Variants in ARB2A observed in about 807,000 individuals in gnomAD.
ARB2A encodes the protein cotranscriptional regulator ARB2A.
the ARB2A span, among the ~76,000 whole-genome samples, chr5:93,855,830 A>G: frequency 2.0e-5 from 3 of 152,122 alleles, no homozygotes; most frequent in African/African-American, 7.2e-5. Context: ...ACCATCATCA[A>G]AGACCAAAAG....
At chr5:94,067,727 A>C in the ARB2A span, among the ~76,000 whole-genome samples, 1 of 152,344 alleles carries the variant, frequency 6.6e-6, no homozygotes, top group African/African-American at 2.4e-5. Context: ...GGAATAATTC[A>C]ATGACCATAC....
chr5:93,846,453 G>A, the ARB2A span, among the ~76,000 whole-genome samples: 3 of 151,516 alleles, frequency 2.0e-5, no homozygotes, highest in Admixed American at 1.3e-4. Flanking sequence ...AGAGAGCTAT[G>A]ATTGTGTCAC....
At chr5:94,079,373 A>G in the ARB2A span, among the ~76,000 whole-genome samples, 1 of 152,184 alleles carries the variant, frequency 6.6e-6, no homozygotes. Context: ...TTATCTGATT[A>G]GGTCATTGCC....
At chr5:94,011,955 AAAAG>A in the ARB2A span, among the ~76,000 whole-genome samples, 1 of 150,588 alleles carries the variant, frequency 6.6e-6, no homozygotes, top group East Asian at 1.9e-4. Flanking sequence ...AAAAAAAAAA[AAAAG>A]ACGAGGCAAA....
chr5:94,027,850 G>A, the ARB2A span, among the ~76,000 whole-genome samples: 8 of 152,190 alleles, frequency 5.3e-5, no homozygotes, highest in African/African-American at 1.9e-4. Context: ...GCCTGGACTT[G>A]AGACTAGTGG....
the ARB2A span, among the ~76,000 whole-genome samples, chr5:93,934,661 A>G: frequency 6.6e-6 from 1 of 152,298 alleles, no homozygotes; most frequent in South Asian, 2.1e-4. Flanking sequence ...ACAAGTAAAG[A>G]CAGCCCCTCT....
At chr5:93,700,172 A>T in the ARB2A span, among the ~76,000 whole-genome samples, 1 of 152,150 alleles carries the variant, frequency 6.6e-6, no homozygotes, top group African/African-American at 2.4e-5. Context: ...TCTTAGCAGA[A>T]AGCCATTGAA....
At chr5:93,829,656 T>C in the ARB2A span, among the ~76,000 whole-genome samples, 1 of 152,170 alleles carries the variant, frequency 6.6e-6, no homozygotes, top group Non-Finnish European at 1.5e-5. Flanking sequence ...TACAACCTTG[T>C]AGTCATATAT....
At chr5:93,810,859 G>C in the ARB2A span, among the ~76,000 whole-genome samples, 1 of 152,032 alleles carries the variant, frequency 6.6e-6, no homozygotes, top group African/African-American at 2.4e-5. Flanking sequence ...CTAGTTGTGT[G>C]ATCTTAGGTA....
chr5:93,943,827 T>C, the ARB2A span, among the ~76,000 whole-genome samples: 2 of 152,262 alleles, frequency 1.3e-5, no homozygotes, highest in East Asian at 1.9e-4. Flanking sequence ...TAATCCTGTA[T>C]TCAATCAGCT....
At chr5:93,701,356 A>T in the ARB2A span, among the ~76,000 whole-genome samples, 1 of 152,144 alleles carries the variant, frequency 6.6e-6, no homozygotes, top group Non-Finnish European at 1.5e-5. Context: ...GTTTTGATAA[A>T]ATGTGATTCT....
At chr5:93,761,514 C>A in the ARB2A span, among the ~76,000 whole-genome samples, 1 of 152,154 alleles carries the variant, frequency 6.6e-6, no homozygotes, top group African/African-American at 2.4e-5. Context: ...GGGGGAAGGG[C>A]GCCCACCATT....
At chr5:93,884,230 C>T in the ARB2A span, among the ~76,000 whole-genome samples, 1 of 151,446 alleles carries the variant, frequency 6.6e-6, no homozygotes, top group African/African-American at 2.4e-5. Context: ...TATCTTATTA[C>T]TTAATCAAAA....
the ARB2A span, among the ~76,000 whole-genome samples, chr5:93,645,377 T>C: frequency 6.6e-6 from 1 of 152,068 alleles, no homozygotes; most frequent in Non-Finnish European, 1.5e-5. Context: ...ATAAAGACCA[T>C]CCTGGCCAAT....
At chr5:94,022,149 G>A in the ARB2A span, among the ~76,000 whole-genome samples, 4 of 152,098 alleles carry the variant, frequency 2.6e-5, no homozygotes, top group Non-Finnish European at 2.9e-5. Context: ...AGCCAAGATC[G>A]TGCCACTGCA....
chr5:94,036,535 G>C, the ARB2A span, among the ~76,000 whole-genome samples: 1 of 152,094 alleles, frequency 6.6e-6, no homozygotes, highest in Non-Finnish European at 1.5e-5. Flanking sequence ...TTTCTCTATA[G>C]CCTCATCTAC....
the ARB2A span, among the ~76,000 whole-genome samples, chr5:93,709,452 G>A: frequency 2.6e-5 from 4 of 151,668 alleles, no homozygotes; most frequent in African/African-American, 9.7e-5. Context: ...GGCCAACATG[G>A]TGAAACCCCA....
the ARB2A span, among the ~76,000 whole-genome samples, chr5:93,899,373 C>A: frequency 6.6e-6 from 1 of 151,974 alleles, no homozygotes; most frequent in South Asian, 2.1e-4. Context: ...AAATAGGAAA[C>A]CCTTGTCTGT....
the ARB2A span, among the ~76,000 whole-genome samples, chr5:93,998,919 C>T: frequency 6.6e-6 from 1 of 152,070 alleles, no homozygotes; most frequent in South Asian, 2.1e-4. Flanking sequence ...TAGCATAAAA[C>T]ATATTATTCT....
Sources: gnomAD v4.1 joint callset for allele counts (sites outside exome capture counted in the v4.1 genomes callset) on GRCh38, gnomAD v4.1.1 for gene constraint, MANE v1.5 for transcripts, NCBI Gene and HGNC (gene_info 2026-07-23, HGNC 2026-07-21) for gene names.